The following ZNF91 variants were observed in gnomAD, a reference collection of about 807,000 sequenced individuals.
ZNF91 encodes the protein zinc finger protein 91 (HPF7, HTF10).
A neutral mutation model predicts 12.6 loss-of-function variants in ZNF91; 7 were observed. The ratio of observed to expected loss-of-function variants is 0.55; its 90% confidence interval spans 0.31 to 1.04. The LOEUF (loss-of-function observed/expected upper bound fraction) is 1.04, where lower values mean the gene tolerates loss of function less well. ZNF91 is among the 50% of genes least tolerant of loss of function. The probability of loss-of-function intolerance (pLI) is 0.05; values close to 1 mark genes in which losing one functional copy is unlikely to be tolerated. For synonymous variants in ZNF91, 453 were observed against 462.6 expected, an observed-to-expected ratio of 0.98 and a Z score of 0.27; for missense variants, 1,217 against 1,385.4, an observed-to-expected ratio of 0.88 and a Z score of 1.93.
In ZNF91 at chr19:23,357,771, T is replaced by C. The variant is rs1968530004; in HGVS notation, c.*1632A>G. 1 of 152,186 alleles carries C rather than the reference T, an allele frequency of 6.6e-6. No homozygotes were observed. Among genetic ancestry groups the C allele is most frequent in the African/African-American group, 2.4e-5 (1 of 41,462 alleles). 9.4% of individuals were successfully genotyped at this position (152,186 alleles called of 1,614,324 possible). On this transcript the variant is annotated 3_prime_UTR_variant, in exon 4 of 4. Transcript: ENST00000300619. ...AATCCTGTAGTCAACAACAATTTAA[T>C]TGTACATTTAAAAATAACTAAAACT...
intron 1 of ZNF91, chr19:23,380,598 GAAAA>G (rs897927238): frequency 1.4e-4 from 21 of 151,944 alleles, no homozygotes; most frequent in African/African-American, 5.1e-4. Context: ...TATATTGAGA[GAAAA>G]AAACAAGTTA....
At chr19:23,353,913 G>T (rs1968426266), downstream of ZNF91, among the ~76,000 whole-genome samples, 1 of 152,000 alleles carries the variant, frequency 6.6e-6, no homozygotes, top group Non-Finnish European at 1.5e-5. Flanking sequence ...TAGATACCCT[G>T]AACAGACCAA....
intron 3 of ZNF91, among the ~76,000 whole-genome samples, chr19:23,372,497 G>A (rs1439632562): frequency 8.5e-5 from 13 of 152,186 alleles, no homozygotes; most frequent in Admixed American, 6.5e-5. Context: ...GCCCAAGATC[G>A]AAGGTAATCC....
rs746445934 is a variant in ZNF91 at position 23,360,691 on chromosome 19, A to G, written c.2288T>C (p.Ile763Thr). 7 of 1,613,864 alleles carry G rather than the reference A, an allele frequency of 4.3e-6. No homozygotes were observed. The South Asian group carries it at 7.7e-5, about 18-fold the overall frequency. ...WSSSLTKHKR[I>T]HTREKPFKCK... Reference sequence around the variant, plus strand: ...TTTGAAGGGTTTCTCTCTAGTATGAATTCTTTTATGTTTAGTAAGGCTTGA... The same window carrying G: ...TTTGAAGGGTTTCTCTCTAGTATGAGTTCTTTTATGTTTAGTAAGGCTTGA... Residue 763 changes from isoleucine (I) to threonine (T), a missense_variant, in exon 4 of 4, where the codon ATT becomes ACT. This residue lies in a region of ZNF91 where 726 missense variants were observed against 895.5 expected (regional missense o/e 0.81). Coordinates refer to ENST00000300619, the MANE Select transcript of ZNF91 (RefSeq NM_003430.4).
chr19:23,389,131 T>G, intron 1 of ZNF91, among the ~76,000 whole-genome samples: 1 of 151,928 alleles, frequency 6.6e-6, no homozygotes, highest in East Asian at 1.9e-4. Context: ...AACCTGCATG[T>G]GTACCCCTAA....
At chr19:23,340,972 C>G (rs2145881989) in intron 3 of ZNF91, among the ~76,000 whole-genome samples, 1 of 151,146 alleles carries the variant, frequency 6.6e-6, no homozygotes, top group Non-Finnish European at 1.5e-5. Flanking sequence ...AATAACATTA[C>G]TAATCATTTT....
chr19:23,310,950 G>A (rs546508804), upstream of ZNF91, among the ~76,000 whole-genome samples: 8 of 152,256 alleles, frequency 5.3e-5, no homozygotes, highest in East Asian at 1.9e-4. Context: ...TGCTTGGACC[G>A]TCCCCACAGT....
chr19:23,379,727 A>G (rs1303426921), intron 1 of ZNF91, among the ~76,000 whole-genome samples: 6 of 152,424 alleles, frequency 3.9e-5, no homozygotes, highest in African/African-American at 1.2e-4. Flanking sequence ...ACTCTTCTAC[A>G]AAAGTGGTTG....
chr19:23,391,885 T>C (rs1432692811), intron 1 of ZNF91, among the ~76,000 whole-genome samples: 1 of 152,168 alleles, frequency 6.6e-6, no homozygotes, highest in African/African-American at 2.4e-5. Context: ...TCACTGGGTT[T>C]AAGCTTTAAT....
At chr19:23,323,754 C>T (rs1372502378) in intron 1 of ZNF91, among the ~76,000 whole-genome samples, 1 of 144,462 alleles carries the variant, frequency 6.9e-6, no homozygotes, top group African/African-American at 2.7e-5. Context: ...TCCTCTTTTT[C>T]TCATTCTTTT....
At chr19:23,382,826 C>T (rs1023500551) in intron 1 of ZNF91, among the ~76,000 whole-genome samples, 1 of 152,134 alleles carries the variant, frequency 6.6e-6, no homozygotes, top group Non-Finnish European at 1.5e-5. Context: ...AAGCCCTAAA[C>T]AGATGAACAA....
intron 1 of ZNF91, among the ~76,000 whole-genome samples, chr19:23,310,049 G>T (rs763315624): frequency 2.0e-5 from 3 of 152,222 alleles, no homozygotes; most frequent in Non-Finnish European, 4.4e-5. Flanking sequence ...GGCAGGTGAG[G>T]ACTCTCCTAT....
chr19:23,374,871 A>C, intron 1 of ZNF91, 107 bp from the exon 2 acceptor site: 1 of 1,515,978 alleles, frequency 6.6e-7, no homozygotes, highest in African/African-American at 1.4e-5. Context: ...TCTGACTTAT[A>C]AGAGTGGCTG....
At chr19:23,386,510 C>T (rs1306167119) in intron 1 of ZNF91, among the ~76,000 whole-genome samples, 1 of 152,090 alleles carries the variant, frequency 6.6e-6, no homozygotes, top group Non-Finnish European at 1.5e-5. Flanking sequence ...ATGCCACACA[C>T]CTACAACCAT....
upstream of ZNF91, among the ~76,000 whole-genome samples, chr19:23,314,162 T>C (rs961972106): frequency 6.6e-6 from 1 of 152,186 alleles, no homozygotes; most frequent in Non-Finnish European, 1.5e-5. Context: ...TTGTGACATA[T>C]TCCTAGGTCT....
chr19:23,373,788 T>C lies in ZNF91; in HGVS notation c.207A>G (p.Lys69=). Residue 69 remains lysine (K), a synonymous_variant, in exon 3 of 4, where the codon AAA becomes AAG. Coordinates refer to ENST00000300619, the MANE Select transcript of ZNF91 (RefSeq NM_003430.4). Reference sequence around the variant, plus strand: ...CATGTTGCTTCATATTCCAGGGCTCTTTTCCTTGCTCCAGATAAGTAATCA... The same window carrying C: ...CATGTTGCTTCATATTCCAGGGCTCCTTTCCTTGCTCCAGATAAGTAATCA... ...PDLITYLEQG[K]EPWNMKQHEM... 1 of 1,610,474 alleles carries C rather than the reference T, an allele frequency of 6.2e-7. No homozygotes were observed.
intron 1 of ZNF91, among the ~76,000 whole-genome samples, chr19:23,322,947 T>TCC (rs1568367745): frequency 3.6e-3 from 395 of 108,936 alleles, no homozygotes; most frequent in South Asian, 4.4e-3. Context: ...CTTTCTTCCC[T>TCC]TCCTCCTCCT....
chr19:23,341,022 A>C (rs1968113367), intron 3 of ZNF91, among the ~76,000 whole-genome samples: 1 of 151,970 alleles, frequency 6.6e-6, no homozygotes, highest in Non-Finnish European at 1.5e-5. Flanking sequence ...CATATGAAAA[A>C]AATGCTCAAT....
chr19:23,344,461 T>A (rs1365668445), intron 3 of ZNF91, among the ~76,000 whole-genome samples: 1 of 152,210 alleles, frequency 6.6e-6, no homozygotes, highest in African/African-American at 2.4e-5. Context: ...AAGCCACATA[T>A]GATGCCCATG....
Sources: allele counts gnomAD v4.1 joint callset (sites outside exome capture counted in the v4.1 genomes callset), GRCh38; gene constraint gnomAD v4.1.1; regional missense constraint gnomAD v4.1.1; transcripts MANE v1.5; gene names NCBI Gene and HGNC (gene_info 2026-07-23, HGNC 2026-07-21).